Variants in AFG2A observed in about 807,000 individuals in gnomAD.
AFG2A encodes AAA ATPase AFG2A.
At chr4:123,118,713 T>C in the AFG2A span, among the ~76,000 whole-genome samples, 1 of 152,128 alleles carries the variant, frequency 6.6e-6, no homozygotes, top group African/African-American at 2.4e-5. Flanking sequence ...TTAGATATTA[T>C]CGTATTTCCT....
the AFG2A span, among the ~76,000 whole-genome samples, chr4:123,283,921 C>T: frequency 2.0e-5 from 3 of 152,144 alleles, no homozygotes; most frequent in East Asian, 5.8e-4. Flanking sequence ...AATTGTTTCA[C>T]CATCTTCCCA....
chr4:122,942,220 C>G, the AFG2A span, among the ~76,000 whole-genome samples: 2 of 148,804 alleles, frequency 1.3e-5, no homozygotes, highest in African/African-American at 5.0e-5. Flanking sequence ...ACCAGTTCCT[C>G]CTTGTACCTC....
chr4:123,128,046 T>G, the AFG2A span, among the ~76,000 whole-genome samples: 3 of 152,214 alleles, frequency 2.0e-5, no homozygotes, highest in African/African-American at 7.2e-5. Context: ...TCTGAAAAAC[T>G]GTCTTTGTGT....
chr4:123,197,934 G>T, the AFG2A span, among the ~76,000 whole-genome samples: 668 of 152,118 alleles, frequency 4.4e-3, 10 homozygotes, highest in Non-Finnish European at 3.0e-3. Flanking sequence ...AACGTTAATA[G>T]AAACAGATTT....
At chr4:123,256,001 T>C in the AFG2A span, 3 of 1,613,708 alleles carry the variant, frequency 1.9e-6, no homozygotes, top group Non-Finnish European at 2.5e-6. Context: ...TCATGTTGCC[T>C]CATTTTCTTT....
the AFG2A span, among the ~76,000 whole-genome samples, chr4:123,023,192 GATA>G: frequency 6.7e-5 from 10 of 150,370 alleles, no homozygotes; most frequent in African/African-American, 1.2e-4. Flanking sequence ...TAATAATAAT[GATA>G]ATAATAATAA....
the AFG2A span, among the ~76,000 whole-genome samples, chr4:123,219,382 C>T: frequency 2.6e-5 from 4 of 152,322 alleles, no homozygotes; most frequent in South Asian, 8.3e-4. Flanking sequence ...GTATTGCTTT[C>T]AGTCCATCAA....
the AFG2A span, among the ~76,000 whole-genome samples, chr4:123,155,923 T>G: frequency 6.6e-6 from 1 of 152,120 alleles, no homozygotes; most frequent in African/African-American, 2.4e-5. Flanking sequence ...TAGTCCGTTC[T>G]TGCACTGCTC....
At chr4:123,136,495 C>T in the AFG2A span, among the ~76,000 whole-genome samples, 732 of 151,422 alleles carry the variant, frequency 4.8e-3, 4 homozygotes, top group Non-Finnish European at 5.7e-3. Context: ...GGTAAAACCC[C>T]GTCTCTACTA....
chr4:123,029,699 G>A, the AFG2A span, among the ~76,000 whole-genome samples: 1 of 152,088 alleles, frequency 6.6e-6, no homozygotes, highest in Admixed American at 6.6e-5. Context: ...GTATAGTGGT[G>A]TGATTATAGC....
At chr4:123,187,326 T>G in the AFG2A span, among the ~76,000 whole-genome samples, 1 of 152,148 alleles carries the variant, frequency 6.6e-6, no homozygotes, top group Non-Finnish European at 1.5e-5. Flanking sequence ...AACTTGAATC[T>G]TTAGTTGTTC....
At chr4:123,103,099 T>C in the AFG2A span, among the ~76,000 whole-genome samples, 3 of 151,558 alleles carry the variant, frequency 2.0e-5, no homozygotes, top group Non-Finnish European at 2.9e-5. Context: ...TCACCTGAAA[T>C]GTTTCCTGAG....
At chr4:123,161,176 G>A in the AFG2A span, among the ~76,000 whole-genome samples, 1 of 152,106 alleles carries the variant, frequency 6.6e-6, no homozygotes, top group Admixed American at 6.6e-5. Flanking sequence ...AGTGGTCACT[G>A]AATTTTTTTT....
the AFG2A span, among the ~76,000 whole-genome samples, chr4:123,219,840 C>G: frequency 6.6e-6 from 1 of 151,932 alleles, no homozygotes; most frequent in Non-Finnish European, 1.5e-5. Context: ...TGTTCAATCT[C>G]TGAACTATTT....
At chr4:123,258,246 TTTTTG>T in the AFG2A span, among the ~76,000 whole-genome samples, 31 of 152,072 alleles carry the variant, frequency 2.0e-4, no homozygotes, top group African/African-American at 1.4e-4. Flanking sequence ...CTGTTGAGGG[TTTTTG>T]TTTTGTTTTG....
At chr4:123,187,430 TCTA>T in the AFG2A span, among the ~76,000 whole-genome samples, 1 of 152,208 alleles carries the variant, frequency 6.6e-6, no homozygotes, top group African/African-American at 2.4e-5. Context: ...ATCGCTGAAT[TCTA>T]CTTTTAACCA....
At chr4:123,071,165 T>C in the AFG2A span, among the ~76,000 whole-genome samples, 3 of 152,326 alleles carry the variant, frequency 2.0e-5, no homozygotes, top group African/African-American at 7.2e-5. Flanking sequence ...AGGTGGTAAA[T>C]TGAACTGTGA....
the AFG2A span, among the ~76,000 whole-genome samples, chr4:123,190,550 C>T: frequency 6.6e-6 from 1 of 152,080 alleles, no homozygotes; most frequent in Non-Finnish European, 1.5e-5. Flanking sequence ...TGAGAAAGGC[C>T]TGAAGGGTAC....
At chr4:123,081,647 C>G in the AFG2A span, among the ~76,000 whole-genome samples, 2 of 152,082 alleles carry the variant, frequency 1.3e-5, no homozygotes, top group Non-Finnish European at 2.9e-5. Context: ...TGATAAATAT[C>G]CAGGAATGCA....
Sources: gnomAD v4.1 joint callset for allele counts (sites outside exome capture counted in the v4.1 genomes callset) on GRCh38, gnomAD v4.1.1 for gene constraint, MANE v1.5 for transcripts, NCBI Gene and HGNC (gene_info 2026-07-23, HGNC 2026-07-21) for gene names.